The following LCLAT1 variants were observed in gnomAD, a reference collection of about 807,000 sequenced individuals.
The protein encoded by LCLAT1 is 1-AGP acyltransferase 8.
Under a neutral mutation model 30.7 loss-of-function variants are expected in LCLAT1, and 11 were observed. That is an observed-to-expected ratio of 0.36 (90% CI 0.23 to 0.59). The LOEUF is 0.59. Ranked by LOEUF, LCLAT1 falls within the 20% of genes least tolerant of loss-of-function variation. LCLAT1 has a pLI of 0.77. For missense variants in LCLAT1, 402 were observed against 458.6 expected (o/e 0.88, Z 1.13); for synonymous variants, 155 against 151.3 (o/e 1.02, Z -0.18).
intron 5 of LCLAT1, among the ~76,000 whole-genome samples, chr2:30,635,314 C>T (rs79842671): frequency 0.038 from 5,700 of 151,606 alleles, 370 homozygotes; most frequent in African/African-American, 0.13. Flanking sequence ...AGCCATTCTC[C>T]ATTTCCTCCT....
At chr2:30,620,607 A>G (rs1238195707) in intron 5 of LCLAT1, among the ~76,000 whole-genome samples, 4 of 152,286 alleles carry the variant, frequency 2.6e-5, no homozygotes, top group African/African-American at 9.6e-5. Context: ...TCTTCTCAAA[A>G]TATGCCACTT....
intron 5 of LCLAT1, among the ~76,000 whole-genome samples, chr2:30,569,410 T>C (rs1045299042): frequency 1.3e-5 from 2 of 152,226 alleles, no homozygotes; most frequent in African/African-American, 4.8e-5. Flanking sequence ...AGTGTTAATT[T>C]TATAACAGTT....
At chr2:30,532,833 A>C (rs1558501467) in intron 2 of LCLAT1, among the ~76,000 whole-genome samples, 1 of 152,048 alleles carries the variant, frequency 6.6e-6, no homozygotes, top group Admixed American at 6.5e-5. Context: ...TAGAATATTG[A>C]TATTCACCTT....
chr2:30,484,514 G>A lies in LCLAT1; in HGVS notation c.-5+37131G>A, dbSNP rs572753738. Among the ~76,000 whole-genome samples the A allele has an allele frequency of 3.5e-4, 54 of 152,204 alleles. No homozygotes were observed. In the South Asian group the frequency reaches 0.011, roughly 32 times the overall value. On this transcript the variant is annotated intron_variant, in intron 1 of 5. Transcript: ENST00000379509. ...AGTTTCATTATAACTTCCTGGCTTT[G>A]CGTTTAACCAATGTTATTTTATTGT...
chr2:30,614,234 C>T (rs1182192593), intron 5 of LCLAT1, among the ~76,000 whole-genome samples: 1 of 111,542 alleles, frequency 9.0e-6, no homozygotes, highest in Non-Finnish European at 1.8e-5. Context: ...TTTAACAAAG[C>T]ACATCTTGCA....
intron 1 of LCLAT1, among the ~76,000 whole-genome samples, chr2:30,519,483 T>A (rs1356687952): frequency 6.6e-6 from 1 of 152,168 alleles, no homozygotes; most frequent in East Asian, 1.9e-4. Flanking sequence ...ACTTGGGTTT[T>A]CCTGTTGAGA....
At chr2:30,468,260 G>A (rs1682575336) in intron 1 of LCLAT1, among the ~76,000 whole-genome samples, 1 of 152,148 alleles carries the variant, frequency 6.6e-6, no homozygotes, top group Admixed American at 6.5e-5. Context: ...GGTTGTAGAT[G>A]TGTGGTATTA....
intron 1 of LCLAT1, among the ~76,000 whole-genome samples, chr2:30,491,821 G>A (rs1375220483): frequency 6.6e-6 from 1 of 152,122 alleles, no homozygotes; most frequent in Non-Finnish European, 1.5e-5. Context: ...TGGACTTTCA[G>A]GGGGAAGTGT....
chr2:30,458,521 A>G (rs1413950163), intron 1 of LCLAT1, among the ~76,000 whole-genome samples: 1 of 152,162 alleles, frequency 6.6e-6, no homozygotes, highest in Admixed American at 6.6e-5. Flanking sequence ...GTAGGGAGGT[A>G]GGGTGATTGA....
chr2:30,555,985 G>A (rs1056732371), intron 3 of LCLAT1, among the ~76,000 whole-genome samples: 3 of 151,792 alleles, frequency 2.0e-5, no homozygotes, highest in African/African-American at 7.3e-5. Flanking sequence ...CAATAGAGAC[G>A]GGGTTTCACC....
chr2:30,528,965 G>A (rs895066337), intron 2 of LCLAT1, among the ~76,000 whole-genome samples: 1 of 152,110 alleles, frequency 6.6e-6, no homozygotes, highest in African/African-American at 2.4e-5. Context: ...CATCAAGGGT[G>A]TCTTTTATCA....
chr2:30,453,998 C>T (rs1681695966), intron 1 of LCLAT1, among the ~76,000 whole-genome samples: 1 of 152,192 alleles, frequency 6.6e-6, no homozygotes, highest in South Asian at 2.1e-4. Flanking sequence ...GTTTCAGAGT[C>T]TGTGCTCTTA....
chr2:30,527,228 A>G (rs1572574253), intron 2 of LCLAT1, among the ~76,000 whole-genome samples: 1 of 152,128 alleles, frequency 6.6e-6, no homozygotes, highest in Non-Finnish European at 1.5e-5. Context: ...TTATGTAACT[A>G]TTTTTAGTGT....
chr2:30,486,877 A>G (rs1007596500), intron 1 of LCLAT1, among the ~76,000 whole-genome samples: 1 of 152,158 alleles, frequency 6.6e-6, no homozygotes, highest in African/African-American at 2.4e-5. Flanking sequence ...CCTCCACCCT[A>G]TGAGTATTAC....
At chr2:30,567,034 T>C (rs553988564) in intron 4 of LCLAT1, among the ~76,000 whole-genome samples, 2 of 152,212 alleles carry the variant, frequency 1.3e-5, no homozygotes, top group Admixed American at 6.5e-5. Context: ...GCCTAAATTA[T>C]TGGATTTTAA....
chr2:30,456,683 T>A (rs1179436942), intron 1 of LCLAT1, among the ~76,000 whole-genome samples: 1 of 152,114 alleles, frequency 6.6e-6, no homozygotes, highest in East Asian at 1.9e-4. Context: ...TTTAAGCTGG[T>A]TGTCTGTGGT....
chr2:30,598,186 CGTTT>C (rs1458871196), intron 5 of LCLAT1, among the ~76,000 whole-genome samples: 1 of 152,012 alleles, frequency 6.6e-6, no homozygotes, highest in African/African-American at 2.4e-5. Flanking sequence ...CCCTCCTTTT[CGTTT>C]GTTTGGAATA....
Position 30,640,130 on chromosome 2 carries a change from T to C in LCLAT1, c.642T>C (p.Asp214=), listed in dbSNP as rs747154264. 1.2e-5 allele frequency: 20 copies of C among 1,611,202 alleles called. No homozygotes were observed. The highest frequency in any genetic ancestry group is 1.7e-4 in the Middle Eastern group (1 of 6,048). ...TTCGAAACCCAGGTAAGAACCTTGA[T>C]GCTGTCCATGATATCACTGTGGCGT... The part of the protein sequence containing the change: ...VDRLREGKNL[D]AVHDITVAYP... Residue 214 remains aspartate, a synonymous_variant, in exon 6 of 6, where the codon GAT becomes GAC. Transcript: ENST00000379509.
At chr2:30,517,979 A>T (rs1685271017) in intron 1 of LCLAT1, among the ~76,000 whole-genome samples, 1 of 152,176 alleles carries the variant, frequency 6.6e-6, no homozygotes, top group Admixed American at 6.5e-5. Context: ...AAAAATCCTT[A>T]ACCCAATAAC....
Sources: allele counts gnomAD v4.1 joint callset (sites outside exome capture counted in the v4.1 genomes callset), GRCh38; gene constraint gnomAD v4.1.1; transcripts MANE v1.5; gene names NCBI Gene and HGNC (gene_info 2026-07-23, HGNC 2026-07-21).